Variants in SLC12A1 observed in about 807,000 individuals in gnomAD.
SLC12A1 encodes the protein solute carrier family 12 member 1, also known as Na-K-2Cl cotransporter.
SLC12A1 carries 89 observed loss-of-function variants against 130.4 expected under a neutral mutation model. The ratio of observed to expected loss-of-function variants is 0.68; its 90% CI spans 0.58 to 0.81. SLC12A1 has a LOEUF of 0.81. Among genes scored for constraint, SLC12A1 ranks in the 40% least tolerant of loss-of-function variants. The pLI is 0.00. For missense variants in SLC12A1, 1,310 were observed against 1,336.4 expected, an observed-to-expected ratio of 0.98 and a Z score of 0.31; for synonymous variants, 499 against 460.0, an observed-to-expected ratio of 1.08 and a Z score of -1.09.
At chr15:48,253,354 C>T (rs1449140548) in intron 15 of SLC12A1, among the ~76,000 whole-genome samples, 2 of 152,246 alleles carry the variant, frequency 1.3e-5, no homozygotes, top group East Asian at 3.8e-4. Flanking sequence ...TCTCCACCCT[C>T]CAACTTAGCC....
intron 13 of SLC12A1, among the ~76,000 whole-genome samples, chr15:48,249,348 C>A (rs2041621416): frequency 6.6e-6 from 1 of 151,824 alleles, no homozygotes; most frequent in Non-Finnish European, 1.5e-5. Context: ...GTAGAGGTCT[C>A]GATTGTCTAT....
At position 48,241,503 on chromosome 15, in the gene SLC12A1, A is replaced by AT; in HGVS notation, c.1216-5dup. The AT allele has an allele frequency of 6.3e-7, 1 of 1,595,626 alleles. No individual in the cohort carries two copies. ...CTCTGTATTCTTCTACCTCCACATT[A>AT]TTTTTTTAAAGGATCCCCAAGATGC... On this transcript the variant is annotated splice_polypyrimidine_tract_variant and intron_variant, in intron 9 of 26. Coordinates refer to ENST00000380993, the MANE Select transcript of SLC12A1 (RefSeq NM_000338.3).
At chr15:48,229,563 TA>T (rs1156339305) in intron 6 of SLC12A1, among the ~76,000 whole-genome samples, 1 of 152,190 alleles carries the variant, frequency 6.6e-6, no homozygotes, top group Non-Finnish European at 1.5e-5. Flanking sequence ...TCCAAATCTA[TA>T]ATATGGGCTA....
At chr15:48,230,314 C>G in intron 6 of SLC12A1, 79 bp from the exon 7 acceptor site, 2 of 826,618 alleles carry the variant, frequency 2.4e-6, no homozygotes, top group Non-Finnish European at 4.1e-6. Flanking sequence ...TATAGTATCT[C>G]TTTTTACTGT....
At chr15:48,282,771 C>T (rs1267728584) in intron 20 of SLC12A1, among the ~76,000 whole-genome samples, 1 of 152,100 alleles carries the variant, frequency 6.6e-6, no homozygotes, top group African/African-American at 2.4e-5. Context: ...TAGCCCATTA[C>T]ACCATATGCC....
In SLC12A1 at chr15:48,207,929, T is replaced by C. The variant is rs1413918873; in HGVS notation, c.210T>C (p.Tyr70=). Residue 70 remains tyrosine (Y), a synonymous_variant, in exon 2 of 27, where the codon TAT becomes TAC. Coordinates refer to ENST00000380993, the MANE Select transcript of SLC12A1 (RefSeq NM_000338.3). ...ISFRPGNQEC[Y]DNFLQSGETA... is the part of the protein sequence containing the mutation. ...TTAGGCCTGGGAATCAGGAGTGCTA[T>C]GACAATTTCCTCCAAAGTGGAGAAA... 4.3e-6 allele frequency: 7 copies of C among 1,614,034 alleles called. No homozygotes were observed. The highest frequency in any genetic ancestry group is 3.3e-5 in the South Asian group (3 of 91,086).
At chr15:48,230,641 G>A (rs2041363400) in intron 7 of SLC12A1, 138 bp downstream of exon 7, 3 of 648,516 alleles carry the variant, frequency 4.6e-6, no homozygotes, top group East Asian at 5.5e-5. Flanking sequence ...AGTGCTAGGT[G>A]GAACACCAAG....
intron 2 of SLC12A1, among the ~76,000 whole-genome samples, chr15:48,220,131 G>GTAGATAGATAGATAGATAGATAGA (rs71120609): frequency 9.5e-6 from 1 of 105,740 alleles, no homozygotes. Flanking sequence ...AAAAAAAAAG[G>GTAGATAGATAGATAGATAGATAGA]TAGATAGATA....
In SLC12A1 at chr15:48,285,250, G is replaced by T. The variant is rs1361649561; in HGVS notation, c.2629+1G>T. On this transcript the variant is annotated splice_donor_variant, in intron 21 of 26. Coordinates refer to ENST00000380993, the MANE Select transcript of SLC12A1 (RefSeq NM_000338.3). LOFTEE classifies it high-confidence loss of function. ...ATTACTAAGACAACGCCTAAAAAAG[G>T]TAAGAACTTTTTAAAATTTGCAAAA... 1 of 1,613,184 alleles carries T rather than the reference G, an allele frequency of 6.2e-7. No homozygotes were observed. Among genetic ancestry groups the T allele is most frequent in the South Asian group, 1.1e-5 (1 of 90,990 alleles).
intron 20 of SLC12A1, among the ~76,000 whole-genome samples, chr15:48,278,357 CATTTTACAACTGGTA>C (rs1284849671): frequency 2.0e-5 from 3 of 152,220 alleles, no homozygotes; most frequent in Non-Finnish European, 4.4e-5. Flanking sequence ...TCATTGTCCC[CATTTTACAACTGGTA>C]AAATGGGGGC....
At chr15:48,280,441 CT>C (rs2141105232) in intron 20 of SLC12A1, among the ~76,000 whole-genome samples, 1 of 152,238 alleles carries the variant, frequency 6.6e-6, no homozygotes, top group East Asian at 1.9e-4. Context: ...CAGGTCTAAG[CT>C]TTTTCTTCCA....
chr15:48,244,715 C>G (rs774638390), intron 10 of SLC12A1, 38 bp from the exon 11 acceptor site: 1 of 1,610,782 alleles, frequency 6.2e-7, no homozygotes, highest in Non-Finnish European at 8.5e-7. Context: ...GGGACCAGAA[C>G]TTTATAAAGA....
At chr15:48,297,119 TC>T in intron 24 of SLC12A1, among the ~76,000 whole-genome samples, 1 of 152,240 alleles carries the variant, frequency 6.6e-6, no homozygotes, top group East Asian at 1.9e-4. Flanking sequence ...TCTTTCAGTC[TC>T]CCTACTTTAC....
At chr15:48,253,497 A>G (rs1239549660) in intron 15 of SLC12A1, among the ~76,000 whole-genome samples, 2 of 152,252 alleles carry the variant, frequency 1.3e-5, no homozygotes, top group Non-Finnish European at 2.9e-5. Context: ...AGATTTATCC[A>G]TGCTGTTGCA....
chr15:48,233,415 T>C (rs890906293), intron 8 of SLC12A1, among the ~76,000 whole-genome samples: 4 of 152,360 alleles, frequency 2.6e-5, no homozygotes, highest in Admixed American at 2.0e-4. Flanking sequence ...AAGTCAAACA[T>C]AGTCATTTCT....
chr15:48,229,354 T>C (rs1379024219), intron 6 of SLC12A1, 26 bp downstream of exon 6: 2 of 1,567,524 alleles, frequency 1.3e-6, no homozygotes, highest in Admixed American at 3.8e-5. Context: ...TCTTTTTTTC[T>C]GCCAAGCAGC....
chr15:48,265,428 T>C (rs755871572), intron 17 of SLC12A1, among the ~76,000 whole-genome samples: 1 of 152,204 alleles, frequency 6.6e-6, no homozygotes, highest in Admixed American at 6.5e-5. Flanking sequence ...TATTCTTCTA[T>C]CTAATGGCTG....
intron 24 of SLC12A1, 100 bp from the exon 25 acceptor site, chr15:48,299,040 C>A: frequency 9.8e-7 from 1 of 1,021,828 alleles, no homozygotes; most frequent in Non-Finnish European, 1.5e-6. Context: ...TGATATTCAG[C>A]TCTGATTCCA....
At chr15:48,300,520 C>A (rs563765023) in intron 25 of SLC12A1, among the ~76,000 whole-genome samples, 2 of 152,102 alleles carry the variant, frequency 1.3e-5, no homozygotes, top group African/African-American at 4.8e-5. Context: ...CCCACCATGC[C>A]CTACATAAAC....
Sources: gnomAD v4.1 joint callset for allele counts (sites outside exome capture counted in the v4.1 genomes callset) on GRCh38, gnomAD v4.1.1 for gene constraint, MANE v1.5 for transcripts, NCBI Gene and HGNC (gene_info 2026-07-23, HGNC 2026-07-21) for gene names.